The following PCDHA2 variants were observed in gnomAD, a reference collection of about 807,000 sequenced individuals.
PCDHA2 encodes protocadherin alpha-2.
PCDHA2 carries 58 observed loss-of-function variants against 66.0 expected under a neutral mutation model. The observed-to-expected ratio is 0.88, with a 90% CI of 0.71 to 1.09. PCDHA2 has a LOEUF of 1.09. Ranked by LOEUF, PCDHA2 falls within the 50% of genes least tolerant of loss-of-function variation. The pLI, the probability that PCDHA2 is intolerant of heterozygous loss-of-function variation, is 0.00. For missense variants in PCDHA2, 1,267 were observed against 1,242.3 expected (o/e 1.02, Z -0.30); for synonymous variants, 634 against 554.0 (o/e 1.14, Z -2.03).
chr5:141,001,792 T>C (rs1442216091), intron 3 of PCDHA2, among the ~76,000 whole-genome samples: 3 of 152,192 alleles, frequency 2.0e-5, no homozygotes, highest in African/African-American at 7.2e-5. Context: ...AGCCTGAGTA[T>C]ATACTATCAT....
chr5:140,928,802 TG>T, intron 1 of PCDHA2: 1 of 1,614,142 alleles, frequency 6.2e-7, no homozygotes, highest in South Asian at 1.1e-5. Context: ...GTGGTGGTAG[TG>T]GTTCGGGACC....
At chr5:140,858,424 C>T in intron 1 of PCDHA2, 3 of 1,553,410 alleles carry the variant, frequency 1.9e-6, no homozygotes, top group Non-Finnish European at 2.6e-6. Context: ...TTGGAGGGGA[C>T]CACTCTAGGA....
chr5:140,795,710 TA>T lies in PCDHA2; in HGVS notation c.750del (p.Lys250AsnfsTer3), dbSNP rs782456180. On this transcript the variant is annotated frameshift_variant, in exon 1 of 4. Transcript: ENST00000526136. LOFTEE classifies it high-confidence loss of function. ...EPTFAQSVYK[V>X]KLLENTANGT... The stretch of plus-strand genomic sequence containing the variant: ...ACTTTTGCCCAATCAGTTTACAAAG[TA>T]AAATTGTTAGAGAATACGGCAAATG... 2.9e-5 allele frequency: 46 copies of T among 1,613,922 alleles called. No individual in the cohort carries two copies. The highest frequency in any genetic ancestry group is 3.8e-5 in the Non-Finnish European group (45 of 1,180,010).
chr5:140,931,952 A>G (rs1159894265), intron 1 of PCDHA2, among the ~76,000 whole-genome samples: 2 of 151,970 alleles, frequency 1.3e-5, no homozygotes, highest in African/African-American at 4.8e-5. Flanking sequence ...AGTCTTACAG[A>G]ATCATGTTGA....
At chr5:141,006,662 G>A (rs1198129323) in intron 3 of PCDHA2, among the ~76,000 whole-genome samples, 1 of 152,192 alleles carries the variant, frequency 6.6e-6, no homozygotes, top group Admixed American at 6.5e-5. Context: ...TCCTGAAAGA[G>A]TGGTGGCAGT....
intron 3 of PCDHA2, among the ~76,000 whole-genome samples, chr5:140,985,454 A>G (rs1378044295): frequency 1.3e-5 from 2 of 152,188 alleles, no homozygotes; most frequent in Non-Finnish European, 2.9e-5. Context: ...GAAAAGGGAA[A>G]TGCTCCAAAA....
intron 1 of PCDHA2, chr5:140,856,123 G>A (rs782708607): frequency 6.3e-7 from 1 of 1,598,078 alleles, no homozygotes; most frequent in African/African-American, 1.3e-5. Flanking sequence ...CCTGGGAGGT[G>A]GGGAGCGGCC....
chr5:140,849,924 G>A, intron 1 of PCDHA2: 1 of 1,598,310 alleles, frequency 6.3e-7, no homozygotes, highest in East Asian at 2.2e-5. Context: ...CATCTTCACG[G>A]TGTCTGCGCG....
At position 140,795,501 on chromosome 5, in the gene PCDHA2, C is replaced by T. The variant is rs782409191; in HGVS notation, c.537C>T (p.Phe179=). The change falls in exon 1 of 4, where the codon TTC becomes TTT. Residue 179 remains phenylalanine, a synonymous_variant. Coordinates refer to ENST00000526136, the MANE Select transcript of PCDHA2 (RefSeq NM_018905.3). Reference sequence around the variant, plus strand: ...AGCTCAGCTCCAGTGAGTTTTTCTTCCTAGATATACAGGCAAATGATGAAC... The same window carrying T: ...AGCTCAGCTCCAGTGAGTTTTTCTTTCTAGATATACAGGCAAATGATGAAC... The part of the protein sequence containing the change: ...SYKLSSSEFF[F]LDIQANDELS... 6 of 1,613,986 alleles carry T rather than the reference C, an allele frequency of 3.7e-6. No homozygotes were observed. The African/African-American group carries it at 8.0e-5, about 22-fold the overall frequency.
At chr5:140,998,148 A>G (rs1229553205) in intron 3 of PCDHA2, among the ~76,000 whole-genome samples, 10 of 152,234 alleles carry the variant, frequency 6.6e-5, no homozygotes, top group Admixed American at 6.5e-4. Flanking sequence ...TGTACTGAAC[A>G]GTTAAGCCAT....
At chr5:140,940,349 C>T (rs1437069133) in intron 1 of PCDHA2, among the ~76,000 whole-genome samples, 14 of 152,156 alleles carry the variant, frequency 9.2e-5, no homozygotes, top group African/African-American at 2.9e-4. Flanking sequence ...GTGTGTCCAA[C>T]ATGCTATTAA....
At chr5:140,894,506 A>G (rs533835142) in intron 1 of PCDHA2, among the ~76,000 whole-genome samples, 2 of 151,922 alleles carry the variant, frequency 1.3e-5, no homozygotes, top group Non-Finnish European at 2.9e-5. Flanking sequence ...GGCATTATCC[A>G]TAGTGTTTAT....
intron 1 of PCDHA2, among the ~76,000 whole-genome samples, chr5:140,891,171 A>T (rs1221936185): frequency 1.3e-5 from 2 of 151,478 alleles, no homozygotes; most frequent in African/African-American, 4.9e-5. Flanking sequence ...TGCTTTTCAG[A>T]TTTTCTGTGT....
At chr5:140,959,259 C>G (rs781794121) in intron 1 of PCDHA2, among the ~76,000 whole-genome samples, 1 of 152,040 alleles carries the variant, frequency 6.6e-6, no homozygotes, top group African/African-American at 2.4e-5. Context: ...TGACTGTAGT[C>G]CCAGCTACCC....
In PCDHA2 at chr5:140,803,322, A is replaced by C. The variant is rs1190601909; in HGVS notation, c.2388+5970A>C. The C allele has an allele frequency of 1.9e-5, 30 of 1,614,136 alleles. No homozygotes were observed. Among genetic ancestry groups the C allele is most frequent in the Non-Finnish European group, 2.5e-5 (30 of 1,179,990 alleles). On this transcript the variant is annotated intron_variant, in intron 1 of 3. Transcript: ENST00000526136. ...GATCGTCGCCATCTGCGCGGTGTCC[A>C]GTCTGTTGGTGCTCACACTGCTGCT...
intron 1 of PCDHA2, among the ~76,000 whole-genome samples, chr5:140,902,974 AGGTT>A (rs2069912537): frequency 6.6e-6 from 1 of 152,178 alleles, no homozygotes. Context: ...ATGGGCATTT[AGGTT>A]GGTTCCATAT....
intron 1 of PCDHA2, among the ~76,000 whole-genome samples, chr5:140,943,825 T>C (rs1421631991): frequency 6.6e-6 from 1 of 152,128 alleles, no homozygotes; most frequent in East Asian, 1.9e-4. Context: ...GAAAATGAGT[T>C]GATTGAAGTT....
rs2150239032 is a variant in PCDHA2 at position 140,835,597 on chromosome 5, A to G, written c.2388+38245A>G. The G allele has an allele frequency of 3.1e-6, 5 of 1,613,762 alleles. No individual in the cohort carries two copies. Among genetic ancestry groups the G allele is most frequent in the East Asian group, 2.2e-5 (1 of 44,812 alleles). On this transcript the variant is annotated intron_variant, in intron 1 of 3. Coordinates refer to ENST00000526136, the MANE Select transcript of PCDHA2 (RefSeq NM_018905.3). ...TTGGTGTCCACCTTCAAGAATTACT[A>G]TTCATTGGTGCTGGACAGCGCTCTG...
intron 1 of PCDHA2, among the ~76,000 whole-genome samples, chr5:140,933,436 A>G (rs1554209364): frequency 6.6e-6 from 1 of 152,102 alleles, no homozygotes; most frequent in Non-Finnish European, 1.5e-5. Flanking sequence ...GGGGCACTCT[A>G]ATGACATACC....
Sources: gnomAD v4.1 joint callset for allele counts (sites outside exome capture counted in the v4.1 genomes callset) on GRCh38, gnomAD v4.1.1 for gene constraint, MANE v1.5 for transcripts, NCBI Gene and HGNC (gene_info 2026-07-23, HGNC 2026-07-21) for gene names.